AKR1C3: variants seen among roughly 807,000 people sequenced by gnomAD.
The protein encoded by AKR1C3 is 3-alpha hydroxysteroid dehydrogenase, type II.
A neutral mutation model predicts 43.6 loss-of-function variants in AKR1C3; 48 were observed. The ratio of observed to expected loss-of-function variants is 1.10; its 90% confidence interval spans 0.87 to 1.40. The LOEUF is 1.40. AKR1C3 is among the 40% of genes most tolerant of loss of function. AKR1C3 has a pLI of 0.00. For missense variants in AKR1C3, 482 were observed against 391.2 expected, an observed-to-expected ratio of 1.23 and a Z score of -1.96; for synonymous variants, 162 against 139.6, an observed-to-expected ratio of 1.16 and a Z score of -1.13.
chr10:5,094,311 ACCT>A, upstream of AKR1C3: 1 of 1,020,248 alleles, frequency 9.8e-7, no homozygotes, highest in South Asian at 1.3e-5. Flanking sequence ...CTGCCTATGT[ACCT>A]CCTCCTACAT....
intron 1 of AKR1C3, among the ~76,000 whole-genome samples, chr10:5,054,095 C>G (rs1373995969): frequency 6.6e-6 from 1 of 152,322 alleles, no homozygotes; most frequent in East Asian, 1.9e-4. Context: ...GCATCTTGTA[C>G]TATCCCCGAC....
intron 1 of AKR1C3, among the ~76,000 whole-genome samples, chr10:5,088,696 A>G (rs1046606069): frequency 1.3e-5 from 2 of 151,828 alleles, no homozygotes; most frequent in Non-Finnish European, 2.9e-5. Context: ...TGTAGGTGTC[A>G]TTAGACCTAA....
intron 1 of AKR1C3, among the ~76,000 whole-genome samples, chr10:5,087,996 A>G (rs544069464): frequency 6.6e-6 from 1 of 152,188 alleles, no homozygotes; most frequent in Non-Finnish European, 1.5e-5. Flanking sequence ...GCTTTCCCAT[A>G]TCCGAGAGAT....
chr10:5,062,320 G>A (rs565523770), intron 1 of AKR1C3, among the ~76,000 whole-genome samples: 25 of 152,244 alleles, frequency 1.6e-4, no homozygotes, highest in Admixed American at 1.4e-3. Flanking sequence ...AAAATTCAGG[G>A]AGGCTATAAA....
At chr10:5,094,328 A>G (rs547698012), upstream of AKR1C3, 17 of 1,200,632 alleles carry the variant, frequency 1.4e-5, no homozygotes, top group East Asian at 2.9e-5. Context: ...CCTACATGCC[A>G]TTGGTTAACC....
chr10:5,093,213 CATAA>C (rs72550797), upstream of AKR1C3, among the ~76,000 whole-genome samples: 462 of 152,190 alleles, frequency 3.0e-3, 2 homozygotes, highest in Middle Eastern at 0.017. Flanking sequence ...TCAGCACCCC[CATAA>C]ATAAATAAGT....
At chr10:5,084,386 T>C (rs1554782718) in intron 1 of AKR1C3, among the ~76,000 whole-genome samples, 2 of 151,576 alleles carry the variant, frequency 1.3e-5, no homozygotes, top group Non-Finnish European at 2.9e-5. Context: ...CAGATAGTTG[T>C]AGATATGCGG....
intron 1 of AKR1C3, among the ~76,000 whole-genome samples, chr10:5,080,215 T>C (rs1409287777): frequency 1.1e-4 from 16 of 152,026 alleles, no homozygotes; most frequent in African/African-American, 3.9e-4. Flanking sequence ...AAACACTGTA[T>C]GGGAATGTGA....
intron 3 of AKR1C3, chr10:5,098,194 T>G: frequency 1.0e-6 from 1 of 984,226 alleles, no homozygotes; most frequent in Non-Finnish European, 1.2e-6. Context: ...TGGCTACATT[T>G]AAGGATATGA....
Position 5,099,447 on chromosome 10 carries a change from C to T in AKR1C3, c.568C>T (p.Gln190Ter), listed in dbSNP as rs140580498. ...ACTCAAGTACAAGCCTGTCTGCAAC[C>T]AGGTGAGCTCCCTTGGCCTTCTCTC... ...PGLKYKPVCN[Q>*]VECHPYFNRS... The change falls in exon 5 of 9, where the codon CAG becomes TAG. Residue 190 changes from glutamine to a stop codon, truncating the protein, a stop_gained and splice_region_variant. Coordinates refer to ENST00000380554, the MANE Select transcript of AKR1C3 (RefSeq NM_003739.6). LOFTEE classifies it high-confidence loss of function. 620 of 1,614,188 alleles carry T rather than the reference C, an allele frequency of 3.8e-4. 3 individuals carry two copies. In the African/African-American group the frequency reaches 5.8e-3, roughly 15 times the overall value.
At chr10:5,060,066 C>T (rs1020390439) in intron 1 of AKR1C3, among the ~76,000 whole-genome samples, 2 of 152,004 alleles carry the variant, frequency 1.3e-5, no homozygotes, top group African/African-American at 2.4e-5. Context: ...TAAGGTGGAA[C>T]GTCTGGAGTT....
upstream of AKR1C3, chr10:5,093,881 A>C (rs782486245): frequency 1.3e-5 from 2 of 152,200 alleles, no homozygotes; most frequent in Non-Finnish European, 2.9e-5. Flanking sequence ...AAATCAAAAT[A>C]AATTTTCTGA....
rs34186955 is a variant in AKR1C3 at position 5,099,417 on chromosome 10, C to G, written c.538C>G (p.Pro180Ala). The part of the protein sequence containing the change: ...RRQLEMILNK[P>A]GLKYKPVCNQ... Reference sequence around the variant, plus strand: ...GCAGCTGGAGATGATCCTCAACAAGCCAGGACTCAAGTACAAGCCTGTCTG... The same window carrying G: ...GCAGCTGGAGATGATCCTCAACAAGGCAGGACTCAAGTACAAGCCTGTCTG... The change falls in exon 5 of 9, where the codon CCA becomes GCA. Residue 180 changes from proline to alanine, a missense_variant. Pro to Ala is a conservative substitution (Grantham distance 27, BLOSUM62 -1). Coordinates refer to ENST00000380554, the MANE Select transcript of AKR1C3 (RefSeq NM_003739.6). The G allele has an allele frequency of 1.2e-6, 2 of 1,614,162 alleles. No homozygotes were observed. The highest frequency in any genetic ancestry group is 1.7e-6 in the Non-Finnish European group (2 of 1,180,016).
chr10:5,074,690 T>G (rs1439138538), intron 1 of AKR1C3, among the ~76,000 whole-genome samples: 1 of 152,140 alleles, frequency 6.6e-6, no homozygotes, highest in Non-Finnish European at 1.5e-5. Context: ...CCTGCCTCCC[T>G]CTTTTGGTTC....
At position 5,060,032 on chromosome 10, in the gene AKR1C3, C is replaced by T. The variant is rs1265841888; in HGVS notation, c.84+11137C>T. 2.6e-5 allele frequency among the ~76,000 whole-genome samples: 4 copies of T among 152,038 alleles called. No individual in the cohort carries two copies. In the East Asian group the frequency reaches 7.7e-4, roughly 29 times the overall value. ...CTGGCTCAGGAGTGAAGCTGCAGAC[C>T]TTTGTGGTGAGTGTTAGAGCTCTTA... On this transcript the variant is annotated intron_variant, in intron 1 of 8. Transcript: ENST00000439082.
intron 1 of AKR1C3, among the ~76,000 whole-genome samples, chr10:5,056,350 C>T (rs1838262889): frequency 6.6e-6 from 1 of 152,158 alleles, no homozygotes; most frequent in Non-Finnish European, 1.5e-5. Flanking sequence ...ATTCTGCTTC[C>T]TCTAGTATTT....
At chr10:5,086,058 T>C (rs1296413842) in intron 1 of AKR1C3, among the ~76,000 whole-genome samples, 1 of 151,876 alleles carries the variant, frequency 6.6e-6, no homozygotes, top group Non-Finnish European at 1.5e-5. Context: ...TGAAGGGTTT[T>C]TTGTGTCTCT....
intron 1 of AKR1C3, among the ~76,000 whole-genome samples, chr10:5,087,378 TTC>T (rs782284865): frequency 0.13 from 9,930 of 74,772 alleles, 431 homozygotes; most frequent in Middle Eastern, 0.22. Flanking sequence ...TATCATTTCT[TTC>T]TTTTTTTTTT....
chr10:5,053,025 T>G (rs996057853), intron 1 of AKR1C3, among the ~76,000 whole-genome samples: 3 of 152,152 alleles, frequency 2.0e-5, no homozygotes, highest in Non-Finnish European at 2.9e-5. Flanking sequence ...TCCAATCCCT[T>G]AGCTAGACAT....
Sources: allele counts gnomAD v4.1 joint callset (sites outside exome capture counted in the v4.1 genomes callset), GRCh38; gene constraint gnomAD v4.1.1; transcripts MANE v1.5; gene names NCBI Gene and HGNC (gene_info 2026-07-23, HGNC 2026-07-21).